The following TRPM8 variants were observed in gnomAD, a reference collection of about 807,000 sequenced individuals.
The protein encoded by TRPM8 is TRPM8 cationic channel.
TRPM8 carries 110 observed loss-of-function variants against 133.7 expected under a neutral mutation model. The observed-to-expected ratio is 0.82, with a 90% CI of 0.70 to 0.96. The LOEUF is 0.96. Ranked by LOEUF, TRPM8 falls within the 40% of genes least tolerant of loss-of-function variation. The pLI is 0.00. For missense variants in TRPM8, 1,291 were observed against 1,379.5 expected (o/e 0.94, Z 1.02); for synonymous variants, 535 against 532.3 (o/e 1.01, Z -0.07).
At chr2:233,974,751 A>G (rs975805661) in intron 17 of TRPM8, among the ~76,000 whole-genome samples, 8 of 152,180 alleles carry the variant, frequency 5.3e-5, no homozygotes, top group Non-Finnish European at 1.0e-4. Flanking sequence ...TAGGAACTGG[A>G]GCAGCACACT....
intron 7 of TRPM8, among the ~76,000 whole-genome samples, chr2:233,946,577 C>T (rs1574711192): frequency 6.6e-6 from 1 of 152,242 alleles, no homozygotes; most frequent in African/African-American, 2.4e-5. Flanking sequence ...GAGATGTGTC[C>T]TGCTGTGGAA....
rs35379195 is a variant in TRPM8, at chr2:234,005,927, TACACACACACACACAC to T, written c.3131-900_3131-885del. Among the ~76,000 whole-genome samples the T allele has an allele frequency of 3.4e-3, 462 of 136,080 alleles. 1 individual carries two copies. The highest frequency in any genetic ancestry group is 4.7e-3 in the Non-Finnish European group (303 of 64,122). The allele number at this position is 136,080 out of a possible 152,430, so 89.3% of individuals were successfully genotyped here. A position where few individuals can be genotyped will look rare whatever the true frequency, so the allele number is the denominator to read the frequency against. On this transcript the variant is annotated intron_variant, in intron 22 of 25. Coordinates refer to ENST00000324695, the MANE Select transcript of TRPM8 (RefSeq NM_024080.5). ...TGGGTGACAAGAGCGAAACGTCATC[TACACACACACACACAC>T]ACACACACACACACACACACACACA... is the stretch of plus-strand genomic sequence containing the variant.
intron 22 of TRPM8, among the ~76,000 whole-genome samples, chr2:234,003,876 C>T (rs1258882639): frequency 6.6e-6 from 1 of 152,114 alleles, no homozygotes; most frequent in East Asian, 1.9e-4. Flanking sequence ...ATACATTGTA[C>T]TCAGTCCCAG....
At chr2:234,015,811 C>T (rs775121831) in intron 25 of TRPM8, among the ~76,000 whole-genome samples, 18 of 152,132 alleles carry the variant, frequency 1.2e-4, no homozygotes, top group Non-Finnish European at 2.4e-4. Context: ...TTTTCATAAT[C>T]GTATTTAATG....
chr2:234,013,057 T>G (rs1692880655), intron 24 of TRPM8, among the ~76,000 whole-genome samples: 1 of 152,214 alleles, frequency 6.6e-6, no homozygotes, highest in South Asian at 2.1e-4. Flanking sequence ...GTATCTATGT[T>G]CCTCAGGAAC....
At chr2:233,979,311 C>A (rs1193293025) in intron 17 of TRPM8, among the ~76,000 whole-genome samples, 2 of 152,042 alleles carry the variant, frequency 1.3e-5, no homozygotes, top group Non-Finnish European at 2.9e-5. Flanking sequence ...ATCTGTCTTT[C>A]CCACCAAACA....
chr2:234,001,894 C>T (rs1423677064), intron 22 of TRPM8, among the ~76,000 whole-genome samples: 6 of 152,104 alleles, frequency 3.9e-5, no homozygotes, highest in Admixed American at 6.5e-5. Flanking sequence ...AAATATGTGC[C>T]AAGAGCCTAC....
intron 3 of TRPM8, chr2:233,933,720 G>T: frequency 6.4e-6 from 1 of 157,208 alleles, no homozygotes. Flanking sequence ...AGCAAGAACA[G>T]ATGGGGCGGG....
intron 18 of TRPM8, among the ~76,000 whole-genome samples, chr2:233,981,337 G>A (rs1001819329): frequency 2.6e-5 from 4 of 152,164 alleles, no homozygotes; most frequent in Admixed American, 6.6e-5. Context: ...TTAGCAGGTG[G>A]TTAGATAATC....
intron 22 of TRPM8, among the ~76,000 whole-genome samples, chr2:234,002,809 C>G (rs1355602112): frequency 1.3e-5 from 2 of 151,954 alleles, no homozygotes; most frequent in Admixed American, 6.6e-5. Flanking sequence ...TTTTAAAATC[C>G]TCATTCTACT....
intron 5 of TRPM8, among the ~76,000 whole-genome samples, chr2:233,939,708 A>G (rs1690857708): frequency 6.6e-6 from 1 of 152,244 alleles, no homozygotes; most frequent in Non-Finnish European, 1.5e-5. Context: ...GAATAATGCA[A>G]TGAACATCTG....
Position 233,939,022 on chromosome 2 carries a change from G to A in TRPM8, c.373G>A (p.Asp125Asn), listed in dbSNP as rs1158810935. ...GKYIRLSCDT[D>N]AEILYELLTQ... Reference sequence around the variant, plus strand: ...GTATATACGTCTGTCCTGCGACACGGACGCGGAAATCCTTTACGAGCTGCT... The same window carrying A: ...GTATATACGTCTGTCCTGCGACACGAACGCGGAAATCCTTTACGAGCTGCT... Residue 125 changes from aspartate (D) to asparagine (N), a missense_variant, in exon 5 of 26, where the codon GAC (aspartate) becomes AAC (asparagine). By Grantham distance (23) the Asp-to-Asn change is conservative. Transcript: ENST00000324695. 1 of 1,614,090 alleles carries A rather than the reference G, an allele frequency of 6.2e-7. No homozygotes were observed. The highest frequency in any genetic ancestry group is 1.3e-5 in the African/African-American group (1 of 74,944).
intron 1 of TRPM8, among the ~76,000 whole-genome samples, chr2:233,925,426 A>C (rs1469536675): frequency 6.6e-6 from 1 of 152,184 alleles, no homozygotes; most frequent in African/African-American, 2.4e-5. Flanking sequence ...ATTGTGGGGC[A>C]TCTCCCTGAA....
Position 233,989,513 on chromosome 2 carries a change from G to A in TRPM8, c.2939+3648G>A, listed in dbSNP as rs573175993. On this transcript the variant is annotated intron_variant, in intron 21 of 25. Transcript: ENST00000324695. This position sits in a 1 kb window ranked among gnomAD's most constrained non-coding sequence, Gnocchi z 4.2. ...GGACACCAGAACAGCGAGAGACGCC[G>A]TGTTGTTATCCTTAGGTTAAATCCT... Among the ~76,000 whole-genome samples the A allele has an allele frequency of 5.9e-5, 9 of 152,322 alleles. No homozygotes were observed. Among genetic ancestry groups the A allele is most frequent in the African/African-American group, 2.2e-4 (9 of 41,566 alleles).
At chr2:233,965,491 T>C (rs1691544963) in intron 14 of TRPM8, among the ~76,000 whole-genome samples, 1 of 152,158 alleles carries the variant, frequency 6.6e-6, no homozygotes, top group Non-Finnish European at 1.5e-5. Flanking sequence ...TTCAGGAAGG[T>C]GAGAAATCCA....
intron 9 of TRPM8, among the ~76,000 whole-genome samples, chr2:233,952,448 A>G (rs928698183): frequency 6.6e-6 from 1 of 151,564 alleles, no homozygotes; most frequent in African/African-American, 2.4e-5. Context: ...GGATGGAGAG[A>G]GTTAACGAGG....
chr2:233,983,030 G>T (rs28902204), intron 19 of TRPM8, 23 bp from the exon 20 acceptor site: 4 of 1,603,296 alleles, frequency 2.5e-6, no homozygotes, highest in South Asian at 1.1e-5. Context: ...TCCTGACTCC[G>T]CTCTCCTGTC....
intron 2 of TRPM8, among the ~76,000 whole-genome samples, chr2:233,928,260 C>T (rs989327586): frequency 5.9e-5 from 9 of 152,054 alleles, no homozygotes; most frequent in East Asian, 1.9e-4. Flanking sequence ...TGACCCACTG[C>T]GCCTGGCCGA....
chr2:233,929,792 G>T (rs544139877), intron 2 of TRPM8: 3 of 152,358 alleles, frequency 2.0e-5, no homozygotes, highest in Admixed American at 6.5e-5. Context: ...AGGAACGGTT[G>T]TATCTGTTTA....
Sources: allele counts gnomAD v4.1 joint callset (sites outside exome capture counted in the v4.1 genomes callset), GRCh38; gene constraint gnomAD v4.1.1; non-coding constraint Gnocchi (gnomAD v3.1); transcripts MANE v1.5; gene names NCBI Gene and HGNC (gene_info 2026-07-23, HGNC 2026-07-21).